NKAIN2: variants seen among roughly 807,000 people sequenced by gnomAD.
The protein encoded by NKAIN2 is sodium/potassium transporting ATPase interacting 2.
In NKAIN2, 14 loss-of-function variants were observed where a neutral mutation model predicts 32.6. The ratio of observed to expected loss-of-function variants is 0.43; its 90% CI spans 0.28 to 0.67. The LOEUF is 0.67. NKAIN2 is among the 30% of genes least tolerant of loss of function. NKAIN2 has a pLI of 0.17. For synonymous variants in NKAIN2, 80 were observed against 87.2 expected (o/e 0.92, Z 0.46); for missense variants, 198 against 258.3 (o/e 0.77, Z 1.60).
intron 1 of NKAIN2, among the ~76,000 whole-genome samples, chr6:123,933,360 G>A (rs1776350057): frequency 6.6e-6 from 1 of 152,030 alleles, no homozygotes; most frequent in Admixed American, 6.6e-5. Flanking sequence ...TAACTTATTT[G>A]CATAAACAGT....
chr6:124,768,808 G>T (rs888575421), intron 4 of NKAIN2, among the ~76,000 whole-genome samples: 1 of 152,048 alleles, frequency 6.6e-6, no homozygotes, highest in African/African-American at 2.4e-5. Flanking sequence ...ATATATGAAA[G>T]AAAAATTTAT....
At chr6:124,705,090 G>C (rs1774990817) in intron 4 of NKAIN2, among the ~76,000 whole-genome samples, 1 of 151,988 alleles carries the variant, frequency 6.6e-6, no homozygotes, top group South Asian at 2.1e-4. Flanking sequence ...GGCTTGGAAA[G>C]AAACTAGATG....
intron 3 of NKAIN2, among the ~76,000 whole-genome samples, chr6:124,476,097 T>TGTGTGTGTGTGTGC (rs1491311913): frequency 2.3e-5 from 3 of 128,478 alleles, no homozygotes; most frequent in African/African-American, 8.1e-5. Context: ...TGTGTGTGTG[T>TGTGTGTGTGTGTGC]GCGTGCGCGC....
intron 1 of NKAIN2, among the ~76,000 whole-genome samples, chr6:123,910,799 C>T (rs748577417): frequency 4.6e-5 from 7 of 152,038 alleles, no homozygotes; most frequent in East Asian, 1.9e-4. Context: ...CCACCACACC[C>T]GGCCAATGCA....
Position 124,131,009 on chromosome 6 carries a change from A to G in NKAIN2, c.55-151996A>G, listed in dbSNP as rs544754697. 1.8e-4 allele frequency among the ~76,000 whole-genome samples: 27 copies of G among 152,290 alleles called. No homozygotes were observed. The Middle Eastern group carries it at 0.01, about 58-fold the overall frequency. On this transcript the variant is annotated intron_variant, in intron 1 of 6. Coordinates refer to ENST00000368417, the MANE Select transcript of NKAIN2 (RefSeq NM_001040214.3). ...GTTGAGGTCCTATTAAATTTTGCTG[A>G]AGACAGTCAATACTAACAAAGACAC...
Position 123,861,288 on chromosome 6 carries a change from G to A in NKAIN2, c.54+57034G>A, listed in dbSNP as rs112651177. 3.9e-3 allele frequency among the ~76,000 whole-genome samples: 593 copies of A among 152,288 alleles called. 3 individuals carry two copies. Among genetic ancestry groups the A allele is most frequent in the Admixed American group, 8.6e-3 (132 of 15,298 alleles). On this transcript the variant is annotated intron_variant, in intron 1 of 6. Transcript: ENST00000368417. ...AGAGGAAGTCTATTTCATTTTAGTA[G>A]CATATTTTAGAGGTCAGAAGCAAAG...
chr6:123,892,847 C>T (rs1774087802), intron 1 of NKAIN2, among the ~76,000 whole-genome samples: 1 of 151,488 alleles, frequency 6.6e-6, no homozygotes, highest in Non-Finnish European at 1.5e-5. Context: ...TCGGCACTGT[C>T]CTAAGGGTGA....
At chr6:123,894,836 C>A (rs748764666) in intron 1 of NKAIN2, among the ~76,000 whole-genome samples, 2 of 152,062 alleles carry the variant, frequency 1.3e-5, no homozygotes, top group Non-Finnish European at 2.9e-5. Context: ...GCAACCGTAG[C>A]AGCTCAGCAC....
intron 3 of NKAIN2, among the ~76,000 whole-genome samples, chr6:124,550,318 G>A (rs757825660): frequency 4.6e-5 from 7 of 151,948 alleles, no homozygotes; most frequent in African/African-American, 7.2e-5. Context: ...GCTCTTTCAG[G>A]TTTCCTCCTA....
At chr6:124,367,791 C>T (rs944401195) in intron 3 of NKAIN2, among the ~76,000 whole-genome samples, 7 of 152,034 alleles carry the variant, frequency 4.6e-5, no homozygotes, top group Non-Finnish European at 1.0e-4. Context: ...AATTCATCAC[C>T]TGATGTATCA....
intron 3 of NKAIN2, among the ~76,000 whole-genome samples, chr6:124,583,161 G>C (rs1230228838): frequency 6.7e-6 from 1 of 149,190 alleles, no homozygotes. Flanking sequence ...AATTGGAAAG[G>C]AAGAAGTCAA....
At chr6:124,203,771 A>G (rs1790709647) in intron 1 of NKAIN2, among the ~76,000 whole-genome samples, 1 of 151,870 alleles carries the variant, frequency 6.6e-6, no homozygotes, top group Non-Finnish European at 1.5e-5. Flanking sequence ...TGGGCAAATT[A>G]TATCTACCCA....
chr6:124,789,502 C>T (rs1779649197), intron 4 of NKAIN2, among the ~76,000 whole-genome samples: 2 of 151,968 alleles, frequency 1.3e-5, no homozygotes, highest in African/African-American at 4.8e-5. Flanking sequence ...ATGACAAGCA[C>T]CCATGGCACT....
intron 5 of NKAIN2, among the ~76,000 whole-genome samples, chr6:124,817,911 G>A (rs1781236841): frequency 6.6e-6 from 1 of 152,154 alleles, no homozygotes; most frequent in South Asian, 2.1e-4. Flanking sequence ...CTCCACCATA[G>A]TACCTTGCGC....
chr6:124,208,925 G>A (rs1241656533), intron 1 of NKAIN2, among the ~76,000 whole-genome samples: 1 of 150,864 alleles, frequency 6.6e-6, no homozygotes, highest in East Asian at 2.0e-4. Flanking sequence ...AAGTACTTGG[G>A]GTATCCATCA....
intron 1 of NKAIN2, among the ~76,000 whole-genome samples, chr6:124,253,457 A>G (rs1181918306): frequency 6.6e-6 from 1 of 152,196 alleles, no homozygotes. Context: ...AAAAAATAAA[A>G]TAGGGATGGA....
chr6:124,555,208 C>G (rs1780428493), intron 3 of NKAIN2, among the ~76,000 whole-genome samples: 2 of 152,110 alleles, frequency 1.3e-5, no homozygotes, highest in African/African-American at 4.8e-5. Context: ...CAAGGTTATG[C>G]CAGGTGGAGT....
chr6:124,721,260 C>A (rs137917934), intron 4 of NKAIN2, among the ~76,000 whole-genome samples: 2 of 151,870 alleles, frequency 1.3e-5, no homozygotes, highest in Admixed American at 6.6e-5. Flanking sequence ...AAAAATTAGC[C>A]GGGCGCAGTG....
At chr6:124,635,035 AGAG>A (rs1783719620) in intron 3 of NKAIN2, among the ~76,000 whole-genome samples, 1 of 151,632 alleles carries the variant, frequency 6.6e-6, no homozygotes, top group Middle Eastern at 3.4e-3. Flanking sequence ...GAAAGGAAGA[AGAG>A]GAAGGAAGGA....
Sources: allele counts gnomAD v4.1 joint callset (sites outside exome capture counted in the v4.1 genomes callset), GRCh38; gene constraint gnomAD v4.1.1; transcripts MANE v1.5; gene names NCBI Gene and HGNC (gene_info 2026-07-23, HGNC 2026-07-21).